Variants in PDZD8 observed in about 807,000 individuals in gnomAD.
PDZD8 encodes PDZ domain-containing protein 8.
PDZD8 carries 14 observed loss-of-function variants against 85.8 expected under a neutral mutation model. The ratio of observed to expected loss-of-function variants is 0.16; its 90% CI spans 0.11 to 0.26. PDZD8 has a LOEUF of 0.26. PDZD8 is among the 10% of genes least tolerant of loss of function. The pLI, the probability that PDZD8 is intolerant of heterozygous loss-of-function variation, is 1.00. For missense variants in PDZD8, 1,197 were observed against 1,424.3 expected (o/e 0.84, Z 2.57); for synonymous variants, 592 against 568.6 (o/e 1.04, Z -0.59).
In PDZD8 at chr10:117,375,359, T is replaced by C. The variant is rs1845287616; in HGVS notation, c.-132A>G. 3.1e-6 allele frequency: 2 copies of C among 652,294 alleles called. No individual in the cohort carries two copies. Among genetic ancestry groups the C allele is most frequent in the Admixed American group, 8.6e-5 (2 of 23,180 alleles). 40.4% of individuals were successfully genotyped at this position (652,294 alleles called of 1,614,324 possible). A position where few individuals can be genotyped will look rare whatever the true frequency, so the allele number is the denominator to read the frequency against. On this transcript the variant is annotated 5_prime_UTR_variant, in exon 1 of 5. Coordinates refer to ENST00000334464, the MANE Select transcript of PDZD8 (RefSeq NM_173791.5). ...GGGGCGAGCGGCTCCGTGGGCCTCG[T>C]CCAGGGGCTCGGGCCGGCGCGCTGC...
At chr10:117,327,523 A>G (rs562198774) in intron 2 of PDZD8, among the ~76,000 whole-genome samples, 18 of 152,194 alleles carry the variant, frequency 1.2e-4, no homozygotes, top group Non-Finnish European at 2.5e-4. Flanking sequence ...ACTTATGTTA[A>G]CCAATCAGGT....
chr10:117,360,445 T>C (rs2133878109), intron 1 of PDZD8, among the ~76,000 whole-genome samples: 1 of 152,218 alleles, frequency 6.6e-6, no homozygotes, highest in East Asian at 1.9e-4. Context: ...CCTGTTCTTC[T>C]CTACCAGCCC....
In PDZD8 at chr10:117,375,171, G is replaced by T. The variant is rs371380367; in HGVS notation, c.57C>A (p.Leu19=). ...ASAVLGSFLT[L]LAQFFLLYRR... ...GGTACAGCAGGAAGAACTGGGCGAGGAGCGTGAGGAAGGAACCCAGCACGG... is the reference window on the plus strand; with the variant it reads ...GGTACAGCAGGAAGAACTGGGCGAGTAGCGTGAGGAAGGAACCCAGCACGG... The change falls in exon 1 of 5, where the codon CTC becomes CTA. Residue 19 remains leucine, a synonymous_variant. Coordinates refer to ENST00000334464, the MANE Select transcript of PDZD8 (RefSeq NM_173791.5). The T allele has an allele frequency of 6.3e-6, 10 of 1,582,072 alleles. No homozygotes were observed. Among genetic ancestry groups the T allele is most frequent in the Non-Finnish European group, 8.5e-6 (10 of 1,170,608 alleles).
intron 1 of PDZD8, among the ~76,000 whole-genome samples, chr10:117,363,332 A>C (rs535159417): frequency 6.6e-6 from 1 of 152,254 alleles, no homozygotes; most frequent in East Asian, 1.9e-4. Flanking sequence ...CAGATGCACT[A>C]TTCAGAAGAT....
chr10:117,284,562 C>T lies in PDZD8; in HGVS notation c.2171G>A (p.Gly724Glu), dbSNP rs1205752540. 3 of 1,614,030 alleles carry T rather than the reference C, an allele frequency of 1.9e-6. No individual in the cohort carries two copies. In the Admixed American group the frequency reaches 5.0e-5, roughly 27 times the overall value. ...ALWCRDPFKL[G>E]GLICLGHVSL... ...AACATGCCCCAAACAGATGAGACCT[C>T]CCAACTTGAAAGGATCCCTGCACCA... The change falls in exon 5 of 5, where the codon GGA becomes GAA. Residue 724 changes from glycine (G) to glutamate (E), a missense_variant. By Grantham distance (98) the Gly-to-Glu change is moderately conservative. This residue lies in a region of PDZD8 where 418 missense variants were observed against 571.1 expected (regional missense o/e 0.73). Transcript: ENST00000334464.
intron 2 of PDZD8, among the ~76,000 whole-genome samples, chr10:117,340,439 C>A (rs1298366118): frequency 6.6e-6 from 1 of 152,136 alleles, no homozygotes; most frequent in Non-Finnish European, 1.5e-5. Context: ...CCTGTTAGGT[C>A]GGTTTAGCCA....
At chr10:117,335,767 G>T (rs367755782) in intron 2 of PDZD8, among the ~76,000 whole-genome samples, 1 of 152,192 alleles carries the variant, frequency 6.6e-6, no homozygotes. Context: ...CTTGGGCAGG[G>T]TAAGGGAGAA....
intron 2 of PDZD8, among the ~76,000 whole-genome samples, chr10:117,334,412 G>A (rs1352214315): frequency 3.9e-5 from 6 of 152,170 alleles, no homozygotes; most frequent in Admixed American, 2.0e-4. Flanking sequence ...GGGAGGCTGA[G>A]GCGGGAGGAT....
In PDZD8 at chr10:117,374,693, C is replaced by A; in HGVS notation, c.535G>T (p.Gly179Trp). The change falls in exon 1 of 5, where the codon GGG becomes TGG. Residue 179 changes from glycine (G) to tryptophan (W), a missense_variant. Transcript: ENST00000334464. The surrounding 1 kb of genome is among the most constrained non-coding windows in gnomAD (Gnocchi z 7.8). The part of the protein sequence containing the change: ...SATGEPDGPE[G>W]EALPAACPEE... ...GGGCAGGCGGCGGGCAGCGCCTCCC[C>A]TTCAGGGCCATCGGGCTCCCCGGTG... 6.2e-7 allele frequency: 1 copy of A among 1,600,026 alleles called. No homozygotes were observed. The highest frequency in any genetic ancestry group is 1.1e-5 in the South Asian group (1 of 89,862).
chr10:117,356,392 A>T (rs1010011682), intron 1 of PDZD8, among the ~76,000 whole-genome samples: 1 of 152,234 alleles, frequency 6.6e-6, no homozygotes, highest in Non-Finnish European at 1.5e-5. Context: ...AGACACACGA[A>T]TAATAATTTA....
chr10:117,342,962 C>T (rs143188695), intron 1 of PDZD8, among the ~76,000 whole-genome samples: 2 of 152,322 alleles, frequency 1.3e-5, no homozygotes, highest in South Asian at 2.1e-4. Flanking sequence ...CTTTCGCACT[C>T]GGCCATACAT....
intron 2 of PDZD8, among the ~76,000 whole-genome samples, chr10:117,323,261 A>C (rs1351460325): frequency 6.6e-6 from 1 of 152,186 alleles, no homozygotes; most frequent in Non-Finnish European, 1.5e-5. Context: ...GGATTCAAAA[A>C]TAGCTTTTAT....
In PDZD8 at chr10:117,290,253, A is replaced by G; in HGVS notation, c.1194T>C (p.Thr398=). 3.1e-6 allele frequency: 5 copies of G among 1,614,092 alleles called. No homozygotes were observed. The highest frequency in any genetic ancestry group is 4.2e-6 in the Non-Finnish European group (5 of 1,179,974). The change falls in exon 4 of 5, where the codon ACT becomes ACC. Residue 398 remains threonine (T), a synonymous_variant. Transcript: ENST00000334464. The part of the protein sequence containing the change: ...DGYAGHVIIE[T]VAPNSPAAIA... ...TTGCAGCAGGCGAGTTTGGAGCCAC[A>G]GTTTCAATGATGACGTGCCCAGCAT...
At chr10:117,335,661 A>T (rs1311824171) in intron 2 of PDZD8, among the ~76,000 whole-genome samples, 1 of 152,232 alleles carries the variant, frequency 6.6e-6, no homozygotes, top group African/African-American at 2.4e-5. Flanking sequence ...AAACAAACCC[A>T]ACTATATTTT....
chr10:117,327,588 T>C (rs568631806), intron 2 of PDZD8, among the ~76,000 whole-genome samples: 2 of 152,328 alleles, frequency 1.3e-5, no homozygotes, highest in South Asian at 2.1e-4. Context: ...TACTGTTCTT[T>C]CTGCCATTGC....
intron 1 of PDZD8, among the ~76,000 whole-genome samples, chr10:117,370,820 C>T (rs901834192): frequency 2.8e-4 from 43 of 152,100 alleles, no homozygotes; most frequent in African/African-American, 1.0e-3. Flanking sequence ...TAGTCATACT[C>T]TTCTCAAGAG....
intron 2 of PDZD8, among the ~76,000 whole-genome samples, chr10:117,334,210 C>T (rs1589573653): frequency 6.6e-6 from 1 of 152,294 alleles, no homozygotes; most frequent in East Asian, 1.9e-4. Flanking sequence ...GCAGGCAGGG[C>T]ACAGGGCTTC....
At chr10:117,372,315 A>T (rs895120707) in intron 1 of PDZD8, among the ~76,000 whole-genome samples, 4 of 152,256 alleles carry the variant, frequency 2.6e-5, no homozygotes, top group Non-Finnish European at 4.4e-5. Flanking sequence ...ATTCAATGAT[A>T]CAGATAATAG....
At chr10:117,359,346 G>A (rs1167146514) in intron 1 of PDZD8, among the ~76,000 whole-genome samples, 1 of 152,040 alleles carries the variant, frequency 6.6e-6, no homozygotes, top group Non-Finnish European at 1.5e-5. Context: ...AGCCCAGGCA[G>A]TTGAGGTTAC....
Sources: gnomAD v4.1 joint callset for allele counts (sites outside exome capture counted in the v4.1 genomes callset) on GRCh38, gnomAD v4.1.1 for gene constraint, gnomAD v4.1.1 regional missense constraint, Gnocchi (gnomAD v3.1) non-coding constraint, MANE v1.5 for transcripts, NCBI Gene and HGNC (gene_info 2026-07-23, HGNC 2026-07-21) for gene names.